Variants in GCA observed in about 807,000 individuals in gnomAD.
GCA encodes the protein grancalcin.
Under a neutral mutation model 32.6 loss-of-function variants are expected in GCA, and 30 were observed. The ratio of observed to expected loss-of-function variants is 0.92; its 90% CI spans 0.69 to 1.25. The LOEUF is 1.25. Ranked by LOEUF, GCA falls within the 50% of genes most tolerant of loss-of-function variation. The pLI, the probability that GCA is intolerant of heterozygous loss-of-function variation, is 0.00. For synonymous variants in GCA, 102 were observed against 84.6 expected (o/e 1.21, Z -1.13); for missense variants, 291 against 266.8 (o/e 1.09, Z -0.63).
chr2:162,346,554 A>G (rs1370302515), intron 1 of GCA: 1 of 152,224 alleles, frequency 6.6e-6, no homozygotes, highest in Non-Finnish European at 1.5e-5. Context: ...TTTTAAGAGG[A>G]CTGGCAGCTT....
At chr2:162,324,344 A>T (rs980796158) in intron 1 of GCA, among the ~76,000 whole-genome samples, 1 of 152,178 alleles carries the variant, frequency 6.6e-6, no homozygotes, top group Non-Finnish European at 1.5e-5. Context: ...AGGGGAAGTC[A>T]GAAGGGGATG....
chr2:162,352,939 A>T (rs921826868), intron 3 of GCA, among the ~76,000 whole-genome samples: 1 of 151,978 alleles, frequency 6.6e-6, no homozygotes, highest in African/African-American at 2.4e-5. Context: ...TTTCCTTTTT[A>T]TATAATGTTT....
intron 1 of GCA, among the ~76,000 whole-genome samples, chr2:162,327,237 G>T (rs577359067): frequency 2.4e-4 from 37 of 152,246 alleles, no homozygotes; most frequent in African/African-American, 7.7e-4. Flanking sequence ...GACCAAAAAG[G>T]TATGTTAGTG....
In GCA at chr2:162,361,078, A is replaced by ATGTTGTTTAAATGT. The variant is rs1185299481; in HGVS notation, c.*835_*836insTGTTGTTTAAATGT. On this transcript the variant is annotated 3_prime_UTR_variant, in exon 8 of 8. Transcript: ENST00000437150. ...TAAATTGTTGTTTAAATGTAATGTC[A>ATGTTGTTTAAATGT]ACTCTTTATAAACTTAAAAATAAAC... is the stretch of plus-strand genomic sequence containing the variant. 1.9e-5 allele frequency: 18 copies of ATGTTGTTTAAATGT among 944,154 alleles called. No individual in the cohort carries two copies. The highest frequency in any genetic ancestry group is 2.3e-5 in the Non-Finnish European group (18 of 786,082). The allele number at this position is 944,154 out of a possible 1,614,324, so 58.5% of individuals were successfully genotyped here.
intron 2 of GCA, among the ~76,000 whole-genome samples, chr2:162,349,823 T>C (rs1461740034): frequency 1.3e-5 from 2 of 152,196 alleles, no homozygotes; most frequent in Admixed American, 6.5e-5. Flanking sequence ...AAATTCACTC[T>C]AGAGTCTTAG....
At chr2:162,346,682 G>A (rs546308981) in intron 1 of GCA, 3 of 152,226 alleles carry the variant, frequency 2.0e-5, no homozygotes, top group Admixed American at 6.5e-5. Flanking sequence ...CCCTAAACAC[G>A]GTTTACATAA....
intron 5 of GCA, among the ~76,000 whole-genome samples, chr2:162,357,493 C>T (rs113808080): frequency 0.017 from 2,652 of 151,754 alleles, 84 homozygotes; most frequent in African/African-American, 0.061. Context: ...TTTTAAGTAG[C>T]TTTATGAATT....
chr2:162,332,208 C>G (rs2105275810), intron 1 of GCA, among the ~76,000 whole-genome samples: 1 of 150,658 alleles, frequency 6.6e-6, no homozygotes, highest in Middle Eastern at 3.4e-3. Flanking sequence ...ACTCGGGAGG[C>G]TGAGGCAGAA....
At chr2:162,335,206 G>A (rs1032440484) in intron 1 of GCA, among the ~76,000 whole-genome samples, 8 of 152,134 alleles carry the variant, frequency 5.3e-5, no homozygotes, top group African/African-American at 1.4e-4. Context: ...GAGGTCAGGA[G>A]TTCAAGGCCA....
chr2:162,344,297 G>T, intron 1 of GCA, 22 bp downstream of exon 1: 1 of 1,612,458 alleles, frequency 6.2e-7, no homozygotes, highest in African/African-American at 1.3e-5. Flanking sequence ...CCGCTTGGTC[G>T]TGTCCCTCTT....
At chr2:162,366,344 T>C (rs1685749863), downstream of GCA, among the ~76,000 whole-genome samples, 2 of 151,884 alleles carry the variant, frequency 1.3e-5, no homozygotes, top group Admixed American at 6.6e-5. Context: ...GGTTCCGTGT[T>C]CTTAACATTG....
At chr2:162,348,203 G>T (rs1244754907) in intron 2 of GCA, among the ~76,000 whole-genome samples, 4 of 152,116 alleles carry the variant, frequency 2.6e-5, no homozygotes, top group African/African-American at 9.7e-5. Context: ...AGCTAAGTAG[G>T]TTTAGCCTGC....
Position 162,347,647 on chromosome 2 carries a change from A to C in GCA, c.97A>C (p.Ile33Leu). ...GQPVPETGPAILLDGYSGPAY... is the reference protein window; with the variant it reads ...GQPVPETGPALLLDGYSGPAY... ...GCCAGTGCCAGAAACAGGCCCAGCT[A>C]TACTCCTCGATGGATACTCTGGGCC... Residue 33 changes from isoleucine (I) to leucine (L), a missense_variant, in exon 2 of 8, where the codon ATA (isoleucine) becomes CTA (leucine). Ile to Leu is a conservative substitution (Grantham distance 5). Transcript: ENST00000437150. 1 of 1,610,624 alleles carries C rather than the reference A, an allele frequency of 6.2e-7. No homozygotes were observed. The highest frequency in any genetic ancestry group is 8.5e-7 in the Non-Finnish European group (1 of 1,177,320).
downstream of GCA, among the ~76,000 whole-genome samples, chr2:162,374,981 A>G (rs1236103039): frequency 6.6e-6 from 1 of 152,150 alleles, no homozygotes; most frequent in Non-Finnish European, 1.5e-5. Context: ...TATGCTTCCA[A>G]CTAAACTAAG....
At chr2:162,349,520 T>G (rs936615493) in intron 2 of GCA, among the ~76,000 whole-genome samples, 4 of 152,118 alleles carry the variant, frequency 2.6e-5, no homozygotes, top group African/African-American at 9.7e-5. Context: ...AGATGTGTGT[T>G]TTTTTTTCTT....
downstream of GCA, among the ~76,000 whole-genome samples, chr2:162,366,833 T>G (rs1293438003): frequency 3.3e-5 from 5 of 151,974 alleles, no homozygotes; most frequent in Admixed American, 3.3e-4. Flanking sequence ...GGCTTTCGCC[T>G]GCTCTGAGCA....
chr2:162,361,055 A>G lies in GCA; in HGVS notation c.*812A>G, dbSNP rs1401611347. On this transcript the variant is annotated 3_prime_UTR_variant, in exon 8 of 8. Transcript: ENST00000437150. ...TCAACATTCAAAATTGTCCTAATTA[A>G]ATTGTTGTTTAAATGTAATGTCAAC... 3.1e-6 allele frequency: 3 copies of G among 964,708 alleles called. No homozygotes were observed. In the East Asian group the frequency reaches 2.4e-4, roughly 78 times the overall value. 59.8% of individuals were successfully genotyped at this position (964,708 alleles called of 1,614,324 possible).
At chr2:162,373,418 C>T (rs1686037009), downstream of GCA, 2 of 1,283,274 alleles carry the variant, frequency 1.6e-6, no homozygotes, top group Admixed American at 5.6e-5. Flanking sequence ...TTAGGTGACC[C>T]CTGGAAACAC....
At chr2:162,350,420 A>G (rs1264664158) in intron 2 of GCA, among the ~76,000 whole-genome samples, 1 of 152,180 alleles carries the variant, frequency 6.6e-6, no homozygotes, top group Admixed American at 6.5e-5. Context: ...CTATTGTATG[A>G]AACAATAAAC....
Sources: allele counts gnomAD v4.1 joint callset (sites outside exome capture counted in the v4.1 genomes callset), GRCh38; gene constraint gnomAD v4.1.1; transcripts MANE v1.5; gene names NCBI Gene and HGNC (gene_info 2026-07-23, HGNC 2026-07-21).